Variants in ZC3H11A observed in about 807,000 individuals in gnomAD.
ZC3H11A encodes zinc finger CCCH-type containing 11A.
A neutral mutation model predicts 90.8 loss-of-function variants in ZC3H11A; 22 were observed. The ratio of observed to expected loss-of-function variants is 0.24; its 90% CI spans 0.17 to 0.35. The LOEUF is 0.35. ZC3H11A is among the 10% of genes least tolerant of loss of function. The pLI, the probability that ZC3H11A is intolerant of heterozygous loss-of-function variation, is 1.00. For missense variants in ZC3H11A, 701 were observed against 964.9 expected (o/e 0.73, Z 3.62); for synonymous variants, 294 against 339.8 (o/e 0.87, Z 1.48).
intron 4 of ZC3H11A, among the ~76,000 whole-genome samples, chr1:203,823,657 A>G (rs906349305): frequency 2.0e-5 from 3 of 152,242 alleles, no homozygotes; most frequent in Admixed American, 6.5e-5. Flanking sequence ...AAGAGCTGCT[A>G]TGCTAACTCT....
At position 203,802,359 on chromosome 1, in the gene ZC3H11A, C is replaced by T. The variant is rs878946084; in HGVS notation, c.-803C>T. 1.3e-5 allele frequency: 2 copies of T among 152,380 alleles called. No individual in the cohort carries two copies. The highest frequency in any genetic ancestry group is 4.1e-4 in the South Asian group (2 of 4,828). 9.4% of individuals were successfully genotyped at this position (152,380 alleles called of 1,614,324 possible). A position where few individuals can be genotyped will look rare whatever the true frequency, so the allele number is the denominator to read the frequency against. ...CTTTATTTTTATAATGAACCCAAATCTAAAGTCTTTTATAGTGCATTTTAA... is the reference window on the plus strand; with the variant it reads ...CTTTATTTTTATAATGAACCCAAATTTAAAGTCTTTTATAGTGCATTTTAA... On this transcript the variant is annotated 5_prime_UTR_variant, in exon 2 of 18. Coordinates refer to ENST00000367210, the MANE Select transcript of ZC3H11A (RefSeq NM_001376342.1).
intron 7 of ZC3H11A, 72 bp from the exon 8 acceptor site, chr1:203,830,051 C>T (rs1681760794): frequency 2.2e-6 from 3 of 1,357,020 alleles, no homozygotes; most frequent in East Asian, 4.6e-5. Context: ...AAATAAATGC[C>T]TGCTATGTAC....
intron 1 of ZC3H11A, chr1:203,799,766 A>G: frequency 1.1e-6 from 1 of 944,104 alleles, no homozygotes; most frequent in Non-Finnish European, 1.7e-6. Flanking sequence ...TATCTCTGAA[A>G]CTTGAAACAG....
chr1:203,808,588 T>C (rs895319782), intron 2 of ZC3H11A, among the ~76,000 whole-genome samples: 24 of 152,204 alleles, frequency 1.6e-4, no homozygotes, highest in Non-Finnish European at 3.2e-4. Flanking sequence ...TTTCTGGAAT[T>C]ATTTTCATTT....
chr1:203,850,620 C>T lies in ZC3H11A; in HGVS notation c.2045C>T (p.Ala682Val). Reference sequence around the variant, plus strand: ...GAGATGCACGCTGCTGTCATTGCCGCTGTGAAGCCACTCAGCTCCAGCAGT... The same window carrying T: ...GAGATGCACGCTGCTGTCATTGCCGTTGTGAAGCCACTCAGCTCCAGCAGT... ...AVEMHAAVIA[A>V]VKPLSSSSVL... The change falls in exon 16 of 18, where the codon GCT becomes GTT. Residue 682 changes from alanine (A) to valine (V), a missense_variant. Around this residue, in one of 4 missense-constraint regions of ZC3H11A, gnomAD observed 530 missense variants for 696.2 expected, o/e 0.76. Transcript: ENST00000367210. 6.2e-7 allele frequency: 1 copy of T among 1,614,140 alleles called. No homozygotes were observed. The highest frequency in any genetic ancestry group is 8.5e-7 in the Non-Finnish European group (1 of 1,180,020).
At chr1:203,800,245 G>T in intron 1 of ZC3H11A, 1 of 1,205,864 alleles carries the variant, frequency 8.3e-7, no homozygotes, top group Non-Finnish European at 1.2e-6. Context: ...TATCTAAGTT[G>T]CCCCATGTGT....
At position 203,795,742 on chromosome 1, in the gene ZC3H11A, G is replaced by C. The variant is rs1443499016; in HGVS notation, c.-1640G>C. Reference sequence around the variant, plus strand: ...GCCAAGCAAGAAGAAAGACGTGGCAGCAAGCGGGAGTCGGGGATAGTGTCA... The same window carrying C: ...GCCAAGCAAGAAGAAAGACGTGGCACCAAGCGGGAGTCGGGGATAGTGTCA... On this transcript the variant is annotated 5_prime_UTR_variant, in exon 1 of 18. Coordinates refer to ENST00000367210, the MANE Select transcript of ZC3H11A (RefSeq NM_001376342.1). 1 of 152,220 alleles carries C rather than the reference G, an allele frequency of 6.6e-6. No homozygotes were observed. Among genetic ancestry groups the C allele is most frequent in the African/African-American group, 2.4e-5 (1 of 41,454 alleles). The allele number at this position is 152,220 out of a possible 1,614,324, so 9.4% of individuals were successfully genotyped here.
rs1670741036 is a variant in ZC3H11A at position 203,802,223 on chromosome 1, A to G, written c.-939A>G. 1 of 152,642 alleles carries G rather than the reference A, an allele frequency of 6.6e-6. No individual in the cohort carries two copies. The allele number at this position is 152,642 out of a possible 1,614,324, so 9.5% of individuals were successfully genotyped here. On this transcript the variant is annotated 5_prime_UTR_variant, in exon 2 of 18. Coordinates refer to ENST00000367210, the MANE Select transcript of ZC3H11A (RefSeq NM_001376342.1). ...ATGATGGATATATATACATACATCC[A>G]TATTATACATAATGATATATGTGTA...
intron 10 of ZC3H11A, among the ~76,000 whole-genome samples, chr1:203,834,311 AC>A (rs2103088860): frequency 6.6e-6 from 1 of 152,236 alleles, no homozygotes; most frequent in South Asian, 2.1e-4. Flanking sequence ...TTGTTTTGTT[AC>A]CCAGGCTGGA....
chr1:203,813,876 T>C (rs1021224047), intron 2 of ZC3H11A, among the ~76,000 whole-genome samples: 3 of 152,118 alleles, frequency 2.0e-5, no homozygotes, highest in African/African-American at 7.2e-5. Context: ...TGGCAACATT[T>C]TTTGCTAAGA....
chr1:203,826,360 A>C (rs1680526392), intron 4 of ZC3H11A, among the ~76,000 whole-genome samples: 1 of 149,452 alleles, frequency 6.7e-6, no homozygotes, highest in African/African-American at 2.5e-5. Flanking sequence ...AAAATTAATA[A>C]ATAAATATTG....
intron 8 of ZC3H11A, 114 bp from the exon 9 acceptor site, chr1:203,831,547 T>C (rs61827268): frequency 0.016 from 12,711 of 787,430 alleles, 151 homozygotes; most frequent in Non-Finnish European, 0.021. Flanking sequence ...GATTGGCTTA[T>C]AGTCATAATA....
At chr1:203,831,375 A>G (rs1682307265) in intron 8 of ZC3H11A, among the ~76,000 whole-genome samples, 1 of 152,158 alleles carries the variant, frequency 6.6e-6, no homozygotes, top group Non-Finnish European at 1.5e-5. Context: ...TAATTTTAGA[A>G]TAATACTAGC....
intron 1 of ZC3H11A, chr1:203,796,653 A>C (rs1275811776): frequency 2.6e-6 from 1 of 391,532 alleles, no homozygotes; most frequent in East Asian, 3.6e-5. Context: ...GAAAAATGGA[A>C]GTGGTTTAAA....
At chr1:203,797,457 T>C in intron 1 of ZC3H11A, 1 of 1,383,700 alleles carries the variant, frequency 7.2e-7, no homozygotes, top group Non-Finnish European at 9.5e-7. Flanking sequence ...GAGGAACAGC[T>C]GTATTTCTGC....
intron 17 of ZC3H11A, among the ~76,000 whole-genome samples, chr1:203,851,483 C>T (rs1689243775): frequency 6.6e-6 from 1 of 152,138 alleles, no homozygotes; most frequent in African/African-American, 2.4e-5. Context: ...GTGCCTGCCA[C>T]AAGGCCTAGC....
intron 11 of ZC3H11A, 32 bp from the exon 12 acceptor site, chr1:203,840,274 C>A: frequency 6.2e-7 from 1 of 1,607,348 alleles, no homozygotes; most frequent in Non-Finnish European, 8.5e-7. Flanking sequence ...TTCTGTTCAA[C>A]TTTTGATTTT....
Position 203,820,772 on chromosome 1 carries a change from C to T in ZC3H11A, c.174+2083C>T, listed in dbSNP as rs190733230. Among the ~76,000 whole-genome samples, 111 of 152,084 alleles carry T rather than the reference C, an allele frequency of 7.3e-4. 1 individual carries two copies. The highest frequency in any genetic ancestry group is 1.4e-3 in the Admixed American group (22 of 15,250). The stretch of plus-strand genomic sequence containing the variant: ...TGAGATTACAGGTGTGAGCCACGCC[C>T]GGCGAATGGTATTTTTGTTGCATAT... On this transcript the variant is annotated intron_variant, in intron 4 of 17. Coordinates refer to ENST00000367210, the MANE Select transcript of ZC3H11A (RefSeq NM_001376342.1).
In ZC3H11A at chr1:203,810,699, G is replaced by A. The variant is rs573077461; in HGVS notation, c.-145-6227G>A. On this transcript the variant is annotated intron_variant, in intron 2 of 17. Transcript: ENST00000367210. ...CTCCCAAAATGCTGGGAATACAGGC[G>A]TGAGCCACCGCGCCCGGCCAGCTCT... Among the ~76,000 whole-genome samples the A allele has an allele frequency of 3.3e-5, 5 of 152,222 alleles. No homozygotes were observed. The South Asian group carries it at 1.0e-3, about 32-fold the overall frequency.
Sources: allele counts gnomAD v4.1 joint callset (sites outside exome capture counted in the v4.1 genomes callset), GRCh38; gene constraint gnomAD v4.1.1; regional missense constraint gnomAD v4.1.1; transcripts MANE v1.5; gene names NCBI Gene and HGNC (gene_info 2026-07-23, HGNC 2026-07-21).